Variants in FGF14 observed in about 807,000 individuals in gnomAD.
FGF14 encodes the protein fibroblast growth factor 14.
Under a neutral mutation model 25.5 loss-of-function variants are expected in FGF14, and 5 were observed. The observed-to-expected ratio is 0.20, with a 90% CI of 0.10 to 0.41. FGF14 has a LOEUF of 0.41. Ranked by LOEUF, FGF14 falls within the 10% of genes least tolerant of loss-of-function variation. The pLI is 1.00. For synonymous variants in FGF14, 138 were observed against 118.3 expected (o/e 1.17, Z -1.08); for missense variants, 222 against 320.1 (o/e 0.69, Z 2.34).
intron 1 of FGF14, among the ~76,000 whole-genome samples, chr13:102,245,373 G>T (rs949691181): frequency 6.6e-6 from 1 of 152,040 alleles, no homozygotes. Context: ...AAGTATTTAC[G>T]ATGAGTCTTT....
Position 101,803,813 on chromosome 13 carries a change from G to A in FGF14, c.408+64912C>T, listed in dbSNP as rs537093606. On this transcript the variant is annotated intron_variant, in intron 3 of 4. Transcript: ENST00000376143. ...AGCCAGGTTTTGGGCGGAAGGACAC[G>A]AATTCAATCTCAGACATATTGCATT... Among the ~76,000 whole-genome samples, 4 of 152,210 alleles carry A rather than the reference G, an allele frequency of 2.6e-5. No individual in the cohort carries two copies. In the South Asian group the frequency reaches 6.2e-4, roughly 24 times the overall value.
chr13:102,017,233 G>A (rs900253562), intron 1 of FGF14, among the ~76,000 whole-genome samples: 3 of 152,058 alleles, frequency 2.0e-5, no homozygotes, highest in African/African-American at 7.2e-5. Flanking sequence ...GGGGAGAAAA[G>A]CATATTGTGT....
At chr13:102,320,980 G>C (rs1376396313) in intron 1 of FGF14, among the ~76,000 whole-genome samples, 2 of 152,044 alleles carry the variant, frequency 1.3e-5, no homozygotes, top group Non-Finnish European at 2.9e-5. Context: ...CTCTAATATG[G>C]GCTCAATTTA....
chr13:102,257,471 G>A (rs1336717), intron 1 of FGF14, among the ~76,000 whole-genome samples: 66,940 of 148,246 alleles, frequency 0.45, 15,327 homozygotes, highest in Middle Eastern at 0.54. Context: ...TCTGCCCCAG[G>A]AGCCTGAGTA....
intron 1 of FGF14, among the ~76,000 whole-genome samples, chr13:102,000,142 C>A (rs949562766): frequency 7.2e-5 from 11 of 151,974 alleles, no homozygotes; most frequent in African/African-American, 2.7e-4. Flanking sequence ...GGTAAAACCC[C>A]GTCTCTACTA....
chr13:102,150,548 G>A (rs577685853), intron 1 of FGF14, among the ~76,000 whole-genome samples: 13 of 152,126 alleles, frequency 8.5e-5, no homozygotes, highest in East Asian at 1.9e-4. Flanking sequence ...TATGATTCCC[G>A]ATTCTATTTG....
intron 1 of FGF14, among the ~76,000 whole-genome samples, chr13:102,169,984 A>T (rs1473040756): frequency 6.6e-6 from 1 of 152,138 alleles, no homozygotes; most frequent in Non-Finnish European, 1.5e-5. Context: ...GTGGAATTGA[A>T]ACCCATAACT....
chr13:102,127,587 T>A (rs2046002035), intron 1 of FGF14, among the ~76,000 whole-genome samples: 1 of 152,192 alleles, frequency 6.6e-6, no homozygotes, highest in African/African-American at 2.4e-5. Flanking sequence ...TAAGAAACCC[T>A]AACTCAGAGA....
chr13:102,024,139 A>T (rs1258921207), intron 1 of FGF14, among the ~76,000 whole-genome samples: 1 of 152,056 alleles, frequency 6.6e-6, no homozygotes. Context: ...TCTTAGGTAT[A>T]TAAAAATTTT....
chr13:101,925,730 T>C (rs1594747297), intron 1 of FGF14, among the ~76,000 whole-genome samples: 2 of 152,332 alleles, frequency 1.3e-5, no homozygotes, highest in African/African-American at 4.8e-5. Context: ...GTAAGTTTCA[T>C]ATTGCTTCTG....
intron 1 of FGF14, among the ~76,000 whole-genome samples, chr13:102,025,957 G>A (rs1021015716): frequency 2.0e-5 from 3 of 152,038 alleles, no homozygotes; most frequent in Middle Eastern, 6.8e-3. Flanking sequence ...TTTGTAAATA[G>A]AGTTAATTTT....
At chr13:101,992,586 C>T (rs2038967143) in intron 1 of FGF14, among the ~76,000 whole-genome samples, 1 of 151,692 alleles carries the variant, frequency 6.6e-6, no homozygotes, top group African/African-American at 2.4e-5. Flanking sequence ...AAAAAGTGAA[C>T]AAGATGTAAG....
chr13:102,327,020 A>G (rs778225692), intron 1 of FGF14, among the ~76,000 whole-genome samples: 25 of 152,216 alleles, frequency 1.6e-4, no homozygotes, highest in Non-Finnish European at 2.8e-4. Flanking sequence ...AAACACAGAA[A>G]AAATCCAAAA....
At chr13:102,051,068 T>C (rs908168860) in intron 1 of FGF14, among the ~76,000 whole-genome samples, 1 of 152,202 alleles carries the variant, frequency 6.6e-6, no homozygotes, top group Non-Finnish European at 1.5e-5. Context: ...GTGGTCAATA[T>C]GCAAGTGCCC....
At chr13:101,900,457 G>T (rs1594655696) in intron 1 of FGF14, among the ~76,000 whole-genome samples, 1 of 151,928 alleles carries the variant, frequency 6.6e-6, no homozygotes, top group Non-Finnish European at 1.5e-5. Flanking sequence ...AAAGAGAAAA[G>T]GTACAAGTCG....
intron 1 of FGF14, among the ~76,000 whole-genome samples, chr13:102,165,440 G>A (rs1019337333): frequency 5.2e-4 from 79 of 151,948 alleles, no homozygotes; most frequent in African/African-American, 1.8e-3. Context: ...TATAGACTGG[G>A]TTAAGAAAAT....
chr13:102,270,385 T>A (rs1210071738), intron 1 of FGF14, among the ~76,000 whole-genome samples: 1 of 151,356 alleles, frequency 6.6e-6, no homozygotes, highest in Non-Finnish European at 1.5e-5. Flanking sequence ...AAAATCTGTA[T>A]CATATTACAT....
chr13:102,324,316 G>C (rs2056350792), intron 1 of FGF14, among the ~76,000 whole-genome samples: 1 of 151,966 alleles, frequency 6.6e-6, no homozygotes, highest in Non-Finnish European at 1.5e-5. Context: ...AGACTGACTG[G>C]GTTCAAATTC....
intron 1 of FGF14, among the ~76,000 whole-genome samples, chr13:101,976,722 T>A (rs937547033): frequency 4.6e-5 from 7 of 152,218 alleles, no homozygotes; most frequent in African/African-American, 1.7e-4. Context: ...CTTGGTTAAA[T>A]CATAGCAATT....
Sources: allele counts gnomAD v4.1 joint callset (sites outside exome capture counted in the v4.1 genomes callset), GRCh38; gene constraint gnomAD v4.1.1; transcripts MANE v1.5; gene names NCBI Gene and HGNC (gene_info 2026-07-23, HGNC 2026-07-21).